HS6ST3: variants seen among roughly 807,000 people sequenced by gnomAD.
HS6ST3 encodes heparan sulfate 6-O-sulfotransferase 3.
HS6ST3 carries 12 observed loss-of-function variants against 36.7 expected under a neutral mutation model. The observed-to-expected ratio is 0.33, with a 90% CI of 0.21 to 0.53. The LOEUF is 0.53. HS6ST3 is among the 20% of genes least tolerant of loss of function. The probability of loss-of-function intolerance (pLI) is 0.95; values close to 1 mark genes in which losing one functional copy is unlikely to be tolerated. For missense variants in HS6ST3, 584 were observed against 640.9 expected (o/e 0.91, Z 0.96); for synonymous variants, 240 against 257.5 (o/e 0.93, Z 0.65).
intron 1 of HS6ST3, among the ~76,000 whole-genome samples, chr13:96,362,767 T>TA (rs1355757298): frequency 6.6e-6 from 1 of 152,198 alleles, no homozygotes. Flanking sequence ...GGTTAATAGT[T>TA]AAACAATCTG....
At chr13:96,234,262 T>C (rs995397495) in intron 1 of HS6ST3, among the ~76,000 whole-genome samples, 57 of 150,854 alleles carry the variant, frequency 3.8e-4, no homozygotes, top group Non-Finnish European at 7.4e-4. Flanking sequence ...ATACAAAAAT[T>C]AGCCGGGCAT....
intron 1 of HS6ST3, among the ~76,000 whole-genome samples, chr13:96,258,929 T>C (rs1314549402): frequency 1.3e-5 from 2 of 152,128 alleles, no homozygotes; most frequent in African/African-American, 2.4e-5. Context: ...GAAGGGATTA[T>C]GGGTGCACAA....
intron 1 of HS6ST3, among the ~76,000 whole-genome samples, chr13:96,629,632 A>G (rs1280233694): frequency 1.3e-5 from 2 of 151,994 alleles, no homozygotes; most frequent in Non-Finnish European, 2.9e-5. Flanking sequence ...AGTGATATTT[A>G]TTTTATTCTG....
At position 96,639,917 on chromosome 13, in the gene HS6ST3, G is replaced by A. The variant is rs982355452; in HGVS notation, c.708-192573G>A. On this transcript the variant is annotated intron_variant, in intron 1 of 1. Transcript: ENST00000376705. Reference sequence around the variant, plus strand: ...TGTTTCTTATGGCTGTGTAGTTTTAGTATTCCATGACGTAAATGTACCACA... The same window carrying A: ...TGTTTCTTATGGCTGTGTAGTTTTAATATTCCATGACGTAAATGTACCACA... Among the ~76,000 whole-genome samples, 3 of 152,086 alleles carry A rather than the reference G, an allele frequency of 2.0e-5. No individual in the cohort carries two copies. The South Asian group carries it at 6.2e-4, about 32-fold the overall frequency.
At chr13:96,421,866 A>G (rs1317142848) in intron 1 of HS6ST3, among the ~76,000 whole-genome samples, 1 of 152,216 alleles carries the variant, frequency 6.6e-6, no homozygotes, top group Admixed American at 6.5e-5. Context: ...TGTCCAGTTT[A>G]TAAATTTAGA....
chr13:96,663,838 C>A (rs1165382256), intron 1 of HS6ST3, among the ~76,000 whole-genome samples: 1 of 152,052 alleles, frequency 6.6e-6, no homozygotes, highest in African/African-American at 2.4e-5. Context: ...AATGAGTGAA[C>A]CACAAAACAT....
intron 1 of HS6ST3, among the ~76,000 whole-genome samples, chr13:96,202,882 G>A (rs2054349922): frequency 1.3e-5 from 2 of 152,164 alleles, no homozygotes; most frequent in Admixed American, 1.3e-4. Context: ...TTTTCAGTGT[G>A]TGATAAACTC....
chr13:96,802,606 T>G (rs1163963640), intron 1 of HS6ST3, among the ~76,000 whole-genome samples: 1 of 152,202 alleles, frequency 6.6e-6, no homozygotes. Context: ...CTTCAAGATG[T>G]ACTGAGATGC....
intron 1 of HS6ST3, among the ~76,000 whole-genome samples, chr13:96,786,253 C>T (rs1445091860): frequency 6.6e-6 from 1 of 152,152 alleles, no homozygotes; most frequent in East Asian, 1.9e-4. Context: ...CCATTCTTCT[C>T]AGACCCTCTA....
At chr13:96,351,376 CAGTGG>C (rs1046273118) in intron 1 of HS6ST3, among the ~76,000 whole-genome samples, 1 of 147,952 alleles carries the variant, frequency 6.8e-6, no homozygotes, top group Admixed American at 6.7e-5. Flanking sequence ...GGCTGGAGTG[CAGTGG>C]CATGATCATG....
intron 1 of HS6ST3, among the ~76,000 whole-genome samples, chr13:96,312,055 A>G (rs982486104): frequency 6.6e-6 from 1 of 152,272 alleles, no homozygotes; most frequent in South Asian, 2.1e-4. Flanking sequence ...CACAGATTCT[A>G]TATTAGCTGC....
At chr13:96,526,401 G>A (rs559960854) in intron 1 of HS6ST3, among the ~76,000 whole-genome samples, 1 of 152,326 alleles carries the variant, frequency 6.6e-6, no homozygotes, top group African/African-American at 2.4e-5. Context: ...TAATCAGTGT[G>A]ATGCTGTGGG....
chr13:96,494,012 T>A (rs896204360), intron 1 of HS6ST3, among the ~76,000 whole-genome samples: 6 of 152,190 alleles, frequency 3.9e-5, no homozygotes, highest in Non-Finnish European at 7.3e-5. Context: ...CTTGTCTTTC[T>A]ACTATGTCAA....
intron 1 of HS6ST3, among the ~76,000 whole-genome samples, chr13:96,377,080 T>A (rs2055318626): frequency 6.7e-6 from 1 of 148,872 alleles, no homozygotes; most frequent in South Asian, 2.1e-4. Flanking sequence ...ATATATATAA[T>A]TAGGCCGAGT....
chr13:96,168,692 CAAA>C (rs60119696), intron 1 of HS6ST3, among the ~76,000 whole-genome samples: 1 of 142,218 alleles, frequency 7.0e-6, no homozygotes, highest in Admixed American at 7.0e-5. Flanking sequence ...AGAGTGAGAC[CAAA>C]AAAAAAAAAA....
intron 1 of HS6ST3, among the ~76,000 whole-genome samples, chr13:96,584,206 C>T (rs1047496046): frequency 2.6e-5 from 4 of 152,086 alleles, no homozygotes; most frequent in South Asian, 4.2e-4. Flanking sequence ...GACACAATCT[C>T]GATCTCAGCT....
At chr13:96,658,975 G>T (rs529752358) in intron 1 of HS6ST3, among the ~76,000 whole-genome samples, 1 of 152,290 alleles carries the variant, frequency 6.6e-6, no homozygotes, top group South Asian at 2.1e-4. Flanking sequence ...CCAAAGTGCT[G>T]GGATTACAGG....
At position 96,241,807 on chromosome 13, in the gene HS6ST3, A is replaced by T. The variant is rs185923391; in HGVS notation, c.707+150238A>T. Among the ~76,000 whole-genome samples, 6 of 134,226 alleles carry T rather than the reference A, an allele frequency of 4.5e-5. No homozygotes were observed. The Middle Eastern group carries it at 0.018, about 399-fold the overall frequency. The allele number at this position is 134,226 out of a possible 152,430, so 88.1% of individuals were successfully genotyped here. On this transcript the variant is annotated intron_variant, in intron 1 of 1. Coordinates refer to ENST00000376705, the MANE Select transcript of HS6ST3 (RefSeq NM_153456.4). ...CTTTCTTTTTTTTTTTTTTTTTGAG[A>T]TGGAGTCTGGCTCTGTCGCCAAGGC...
At chr13:96,110,684 A>G (rs1226071941) in intron 1 of HS6ST3, among the ~76,000 whole-genome samples, 1 of 152,084 alleles carries the variant, frequency 6.6e-6, no homozygotes, top group Admixed American at 6.5e-5. Context: ...TCGGCCTCCC[A>G]AAGTGTTGGG....
Sources: allele counts gnomAD v4.1 joint callset (sites outside exome capture counted in the v4.1 genomes callset), GRCh38; gene constraint gnomAD v4.1.1; transcripts MANE v1.5; gene names NCBI Gene and HGNC (gene_info 2026-07-23, HGNC 2026-07-21).